PPEF2: variants seen among roughly 807,000 people sequenced by gnomAD.
PPEF2 encodes the protein protein phosphatase with EF-hand domain 2.
PPEF2 carries 84 observed loss-of-function variants against 84.7 expected under a neutral mutation model. The ratio of observed to expected loss-of-function variants is 0.99; its 90% CI spans 0.83 to 1.19. PPEF2 has a LOEUF of 1.19. Among genes scored for constraint, PPEF2 ranks in the 50% most tolerant of loss-of-function variants. The pLI is 0.00. For synonymous variants in PPEF2, 346 were observed against 345.2 expected (o/e 1.00, Z -0.03); for missense variants, 924 against 937.5 (o/e 0.99, Z 0.19).
chr4:75,871,031 C>A (rs1030837698), intron 13 of PPEF2, among the ~76,000 whole-genome samples: 1 of 151,970 alleles, frequency 6.6e-6, no homozygotes, highest in Non-Finnish European at 1.5e-5. Context: ...AATTCTCCTG[C>A]CTCAGCTTCC....
At chr4:75,883,277 G>T in intron 8 of PPEF2, 75 bp from the exon 9 acceptor site, 1 of 1,362,282 alleles carries the variant, frequency 7.3e-7, no homozygotes, top group Non-Finnish European at 1.0e-6. Context: ...ATTTTTAGAA[G>T]AATGCATATT....
At chr4:75,888,434 A>C in intron 5 of PPEF2, 106 bp from the exon 6 acceptor site, 2 of 742,000 alleles carry the variant, frequency 2.7e-6, no homozygotes, top group Non-Finnish European at 4.7e-6. Flanking sequence ...AAGACCCCAA[A>C]AGTAACCCCA....
At chr4:75,883,465 T>C (rs762991129) in intron 8 of PPEF2, 76 of 452,016 alleles carry the variant, frequency 1.7e-4, no homozygotes, top group Non-Finnish European at 2.4e-4. Flanking sequence ...TGATAGAGTA[T>C]GTGTATGCAA....
chr4:75,883,629 T>C (rs748736621), intron 8 of PPEF2: 40 of 172,302 alleles, frequency 2.3e-4, no homozygotes, highest in Middle Eastern at 3.0e-3. Flanking sequence ...CCACCCTGAC[T>C]AACACGGTGA....
chr4:75,893,501 C>CAG (rs997706691), intron 2 of PPEF2, among the ~76,000 whole-genome samples: 3 of 150,044 alleles, frequency 2.0e-5, no homozygotes, highest in African/African-American at 7.5e-5. Flanking sequence ...CACACACACA[C>CAG]ACACACACTC....
chr4:75,860,847 A>C lies in PPEF2; in HGVS notation c.2082T>G (p.Asp694Glu), dbSNP rs1284273427. The C allele has an allele frequency of 3.1e-6, 5 of 1,614,120 alleles. No homozygotes were observed. The highest frequency in any genetic ancestry group is 4.2e-6 in the Non-Finnish European group (5 of 1,180,046). The part of the protein sequence containing the change: ...FSSHMNIDIT[D>E]DCICDLARSI... The stretch of plus-strand genomic sequence containing the variant: ...TCCGAGCAAGGTCACAGATGCAGTC[A>C]TCTGTAATGTCGATATTCATGTGAG... The change falls in exon 17 of 17, where the codon GAT becomes GAG. Residue 694 changes from aspartate (D) to glutamate (E), a missense_variant. Coordinates refer to ENST00000286719, the MANE Select transcript of PPEF2 (RefSeq NM_006239.3).
intron 2 of PPEF2, among the ~76,000 whole-genome samples, chr4:75,893,507 C>T (rs1724939177): frequency 6.7e-6 from 1 of 150,066 alleles, no homozygotes; most frequent in African/African-American, 2.5e-5. Flanking sequence ...CACACACACA[C>T]ACTCACACAC....
At chr4:75,891,308 AG>A (rs1390227771) in intron 4 of PPEF2, among the ~76,000 whole-genome samples, 1 of 152,302 alleles carries the variant, frequency 6.6e-6, no homozygotes, top group African/African-American at 2.4e-5. Flanking sequence ...CTTTGCCTGC[AG>A]GGGGTATAAT....
At chr4:75,892,297 G>A (rs778414453) in intron 2 of PPEF2, among the ~76,000 whole-genome samples, 34 of 152,180 alleles carry the variant, frequency 2.2e-4, no homozygotes, top group Non-Finnish European at 4.3e-4. Flanking sequence ...ATTCCGAGAA[G>A]GAGATGTAAA....
Position 75,896,357 on chromosome 4 carries a change from C to A in PPEF2, c.-32G>T. On this transcript the variant is annotated 5_prime_UTR_variant, in exon 2 of 17. Transcript: ENST00000286719. ...AGCGCAATGCTCCTGCAGGACGCAG[C>A]AGATCCAGAGGACAGTGAGCTGTTT... is the stretch of plus-strand genomic sequence containing the variant. The A allele has an allele frequency of 6.2e-7, 1 of 1,610,478 alleles. No individual in the cohort carries two copies. The highest frequency in any genetic ancestry group is 8.5e-7 in the Non-Finnish European group (1 of 1,176,656).
chr4:75,870,506 C>T (rs901376013), intron 13 of PPEF2, among the ~76,000 whole-genome samples: 2 of 152,122 alleles, frequency 1.3e-5, no homozygotes, highest in African/African-American at 4.8e-5. Context: ...CTAGTTTTGC[C>T]GATCTTAATT....
chr4:75,900,595 G>C (rs1239594329), intron 1 of PPEF2, among the ~76,000 whole-genome samples: 1 of 152,126 alleles, frequency 6.6e-6, no homozygotes, highest in Non-Finnish European at 1.5e-5. Flanking sequence ...TATGGATAAT[G>C]GTAACGTCAT....
At chr4:75,867,498 CTCTCTT>C (rs1724160344) in intron 13 of PPEF2, 79 bp from the exon 14 acceptor site, 2 of 1,073,418 alleles carry the variant, frequency 1.9e-6, no homozygotes, top group Admixed American at 4.1e-5. Flanking sequence ...TATTTCCACT[CTCTCTT>C]TCTTAACATA....
intron 12 of PPEF2, 109 bp downstream of exon 12, chr4:75,873,018 C>A: frequency 9.3e-7 from 1 of 1,072,652 alleles, no homozygotes; most frequent in African/African-American, 1.6e-5. Flanking sequence ...GTAACAAATA[C>A]AAGGTCTGTA....
At chr4:75,878,841 C>T (rs957524084) in intron 10 of PPEF2, among the ~76,000 whole-genome samples, 2 of 152,094 alleles carry the variant, frequency 1.3e-5, no homozygotes, top group Admixed American at 6.5e-5. Flanking sequence ...TGCAGTGGTG[C>T]GATCTCAGCT....
At chr4:75,870,507 G>A (rs1023874226) in intron 13 of PPEF2, among the ~76,000 whole-genome samples, 24 of 152,216 alleles carry the variant, frequency 1.6e-4, no homozygotes, top group South Asian at 6.2e-4. Flanking sequence ...TAGTTTTGCC[G>A]ATCTTAATTT....
chr4:75,873,272 C>T lies in PPEF2; in HGVS notation c.1361G>A (p.Gly454Asp). 1 of 1,614,040 alleles carries T rather than the reference C, an allele frequency of 6.2e-7. No homozygotes were observed. The highest frequency in any genetic ancestry group is 8.5e-7 in the Non-Finnish European group (1 of 1,179,996). The change falls in exon 12 of 17, where the codon GGC becomes GAC. Residue 454 changes from glycine (G) to aspartate (D), a missense_variant. Gly to Asp is a moderately conservative substitution (Grantham distance 94). Transcript: ENST00000286719. The part of the protein sequence containing the change: ...ILWSDPMAQE[G>D]CKANTIRGGG... ...TCCTCGAATAGTGTTGGCCTTGCAG[C>T]CCTCTTGAGCCATGGGATCACTCCA...
chr4:75,876,666 G>A lies in PPEF2; in HGVS notation c.941C>T (p.Ser314Phe). ...CTGTCTCGTTTTGCACCTCATGGTG[G>A]AAACTATCTAAACACGTCCAGAAAG... ...LDKIERSKIV[S>F]TMRCKTRQKS... The change falls in exon 11 of 17, where the codon TCC becomes TTC. Residue 314 changes from serine to phenylalanine, a missense_variant. Coordinates refer to ENST00000286719, the MANE Select transcript of PPEF2 (RefSeq NM_006239.3). 6.5e-7 allele frequency: 1 copy of A among 1,545,764 alleles called. No homozygotes were observed. The highest frequency in any genetic ancestry group is 8.7e-7 in the Non-Finnish European group (1 of 1,146,464).
rs372797010 is a variant in PPEF2, at chr4:75,883,095, C to A, written c.784-20G>T. 1 of 1,613,618 alleles carries A rather than the reference C, an allele frequency of 6.2e-7. No homozygotes were observed. The highest frequency in any genetic ancestry group is 8.5e-7 in the Non-Finnish European group (1 of 1,179,794). ...GTGTACCTGGAAAAAATGATATAAA[C>A]AAAATGTTATCAAATAATTCACTCA... On this transcript the variant is annotated intron_variant, in intron 9 of 16. Coordinates refer to ENST00000286719, the MANE Select transcript of PPEF2 (RefSeq NM_006239.3).
Sources: allele counts gnomAD v4.1 joint callset (sites outside exome capture counted in the v4.1 genomes callset), GRCh38; gene constraint gnomAD v4.1.1; transcripts MANE v1.5; gene names NCBI Gene and HGNC (gene_info 2026-07-23, HGNC 2026-07-21).